The following LARS1 variants were observed in gnomAD, a reference collection of about 807,000 sequenced individuals.
The protein encoded by LARS1 is leucyl-tRNA synthetase 1.
In LARS1, 100 loss-of-function variants were observed where a neutral mutation model predicts 162.8. The observed-to-expected ratio is 0.61, with a 90% CI of 0.52 to 0.73. The LOEUF (loss-of-function observed/expected upper bound fraction) is 0.73, where lower values mean the gene tolerates loss of function less well. Ranked by LOEUF, LARS1 falls within the 30% of genes least tolerant of loss-of-function variation. The probability of loss-of-function intolerance (pLI) is 0.00; values close to 1 mark genes in which losing one functional copy is unlikely to be tolerated. For synonymous variants in LARS1, 457 were observed against 462.8 expected (o/e 0.99, Z 0.16); for missense variants, 1,258 against 1,408.9 (o/e 0.89, Z 1.71).
At chr5:146,179,648 G>A (rs1205193175) in intron 1 of LARS1, 6 of 433,366 alleles carry the variant, frequency 1.4e-5, no homozygotes, top group Admixed American at 1.0e-4. Context: ...ACCCAGGCTG[G>A]AGCATAATGG....
intron 25 of LARS1, among the ~76,000 whole-genome samples, chr5:146,129,733 T>C (rs1449618028): frequency 2.0e-5 from 3 of 152,186 alleles, no homozygotes; most frequent in Non-Finnish European, 4.4e-5. Context: ...TATACACCTA[T>C]ATCTTTGTTT....
chr5:146,153,227 C>T lies in LARS1; in HGVS notation c.1231G>A (p.Ala411Thr). Residue 411 changes from alanine to threonine, a missense_variant and splice_region_variant, in exon 13 of 32, where the codon GCC becomes ACC. Transcript: ENST00000394434. ...CTAATTCCATATTTTGCTCGTAAGG[C>T]CTACAGAAAAATTTGCAAGTTAACA... Reference protein sequence around the residue: ...AALRDLKKKQALRAKYGIRDD... With the variant: ...AALRDLKKKQTLRAKYGIRDD... The T allele has an allele frequency of 6.2e-7, 1 of 1,611,846 alleles. No individual in the cohort carries two copies. Among genetic ancestry groups the T allele is most frequent in the Non-Finnish European group, 8.5e-7 (1 of 1,178,588 alleles).
intron 20 of LARS1, among the ~76,000 whole-genome samples, chr5:146,141,225 C>T (rs532082536): frequency 6.6e-6 from 1 of 152,250 alleles, no homozygotes; most frequent in East Asian, 1.9e-4. Flanking sequence ...TCTTCATTAG[C>T]TGGGTAGCTT....
At chr5:146,163,309 C>T (rs920657251) in intron 6 of LARS1, among the ~76,000 whole-genome samples, 1 of 152,180 alleles carries the variant, frequency 6.6e-6, no homozygotes, top group African/African-American at 2.4e-5. Flanking sequence ...ATGGACCAAA[C>T]TTTCTCCATA....
chr5:146,120,638 A>C (rs1178499820), intron 30 of LARS1, 135 bp from the exon 31 acceptor site: 16 of 835,660 alleles, frequency 1.9e-5, no homozygotes, highest in Non-Finnish European at 2.7e-5. Flanking sequence ...GGAGTACTCA[A>C]ATATGAAAGA....
chr5:146,182,516 A>G lies in LARS1; in HGVS notation c.-23T>C, dbSNP rs949950121. On this transcript the variant is annotated 5_prime_UTR_variant, in exon 1 of 32. Coordinates refer to ENST00000394434, the MANE Select transcript of LARS1 (RefSeq NM_020117.11). ...CATTGCACCGCCCAGCCGACTGTGC[A>G]AATCCACGACAATGACCCTGGCGAC... The G allele has an allele frequency of 3.7e-6, 6 of 1,613,746 alleles. No individual in the cohort carries two copies. In the African/African-American group the frequency reaches 8.0e-5, roughly 22 times the overall value.
intron 20 of LARS1, 125 bp from the exon 21 acceptor site, chr5:146,140,386 A>T: frequency 1.5e-6 from 1 of 673,746 alleles, no homozygotes; most frequent in Non-Finnish European, 2.6e-6. Context: ...AAGGATATAC[A>T]CTATAGTCCT....
chr5:146,157,737 G>C lies in LARS1; in HGVS notation c.830C>G (p.Ser277Cys). 1 of 1,614,080 alleles carries C rather than the reference G, an allele frequency of 6.2e-7. No homozygotes were observed. Among genetic ancestry groups the C allele is most frequent in the South Asian group, 1.1e-5 (1 of 91,078 alleles). The change falls in exon 9 of 32, where the codon TCT (serine) becomes TGT (cysteine). Residue 277 changes from serine (S) to cysteine (C), a missense_variant. Physicochemically the swap from Ser to Cys is moderately radical, Grantham distance 112 (BLOSUM62 -1). Transcript: ENST00000394434. ...LKLKVLEPYP[S>C]KLSGLKGKNI... is the part of the protein sequence containing the mutation. Reference sequence around the variant, plus strand: ...ACTCTGGCAAACCTACCTTAATTTAGATGGGTATGGCTCAAGCACCTTCAA... The same window carrying C: ...ACTCTGGCAAACCTACCTTAATTTACATGGGTATGGCTCAAGCACCTTCAA...
At chr5:146,123,343 T>C (rs1751909208) in intron 29 of LARS1, among the ~76,000 whole-genome samples, 1 of 151,890 alleles carries the variant, frequency 6.6e-6, no homozygotes, top group Admixed American at 6.6e-5. Context: ...GATCTATATA[T>C]AAAGTTGTGA....
intron 5 of LARS1, among the ~76,000 whole-genome samples, chr5:146,165,111 A>G (rs35581472): frequency 0.22 from 33,843 of 152,050 alleles, 4,825 homozygotes; most frequent in Admixed American, 0.34. Flanking sequence ...CGAGGCAGGC[A>G]GATCACGAGG....
intron 26 of LARS1, 43 bp downstream of exon 26, chr5:146,128,935 T>G (rs1478612207): frequency 1.3e-6 from 2 of 1,528,612 alleles, no homozygotes; most frequent in Non-Finnish European, 1.8e-6. Context: ...ATCAATAACT[T>G]TTAAGGAATA....
At chr5:146,121,910 G>A (rs778816382) in intron 30 of LARS1, among the ~76,000 whole-genome samples, 25 of 152,130 alleles carry the variant, frequency 1.6e-4, no homozygotes, top group South Asian at 1.5e-3. Flanking sequence ...ATCCACCATG[G>A]CACGTGTATA....
intron 5 of LARS1, among the ~76,000 whole-genome samples, chr5:146,164,982 C>T (rs1489618102): frequency 6.6e-6 from 1 of 152,160 alleles, no homozygotes; most frequent in African/African-American, 2.4e-5. Flanking sequence ...CTATATGATA[C>T]TGTGCTGGTA....
At chr5:146,130,265 T>C (rs1315381520) in intron 24 of LARS1, 107 bp from the exon 25 acceptor site, 13 of 1,061,556 alleles carry the variant, frequency 1.2e-5, no homozygotes, top group Non-Finnish European at 1.5e-5. Context: ...TTTCTAGTCT[T>C]TTAAAAATCC....
intron 21 of LARS1, chr5:146,139,514 G>C (rs1404383621): frequency 6.6e-6 from 1 of 151,928 alleles, no homozygotes; most frequent in Non-Finnish European, 1.5e-5. Context: ...GTTACAAATA[G>C]GTAACTCTTC....
rs1754111188 is a variant in LARS1 at position 146,168,285 on chromosome 5, T to C, written c.295-20A>G. 1.3e-6 allele frequency: 2 copies of C among 1,578,402 alleles called. No homozygotes were observed. Among genetic ancestry groups the C allele is most frequent in the Non-Finnish European group, 1.7e-6 (2 of 1,168,252 alleles). On this transcript the variant is annotated intron_variant, in intron 4 of 31. Coordinates refer to ENST00000394434, the MANE Select transcript of LARS1 (RefSeq NM_020117.11). The stretch of plus-strand genomic sequence containing the variant: ...ACATGCCTACAACGAATATTAGAGA[T>C]AATGAAGTTCAAAATCAAGGTAGAC...
chr5:146,133,682 T>C (rs1299950482), intron 22 of LARS1, among the ~76,000 whole-genome samples: 1 of 108,142 alleles, frequency 9.2e-6, no homozygotes, highest in Non-Finnish European at 1.8e-5. Flanking sequence ...AATGGAACAC[T>C]ATAGGGTTGC....
At chr5:146,173,587 C>A (rs1308566440) in intron 2 of LARS1, among the ~76,000 whole-genome samples, 2 of 145,772 alleles carry the variant, frequency 1.4e-5, no homozygotes, top group African/African-American at 2.6e-5. Context: ...AGACAGGGTT[C>A]TCAATATAAG....
chr5:146,137,622 C>T (rs1009083941), intron 21 of LARS1: 15 of 170,006 alleles, frequency 8.8e-5, no homozygotes, highest in African/African-American at 1.2e-4. Flanking sequence ...TATCATTCTA[C>T]TAATTTAGTG....
Sources: allele counts gnomAD v4.1 joint callset (sites outside exome capture counted in the v4.1 genomes callset), GRCh38; gene constraint gnomAD v4.1.1; transcripts MANE v1.5; gene names NCBI Gene and HGNC (gene_info 2026-07-23, HGNC 2026-07-21).